The following PRKCB variants were observed in gnomAD, a reference collection of about 807,000 sequenced individuals.
PRKCB encodes the protein protein kinase C beta type.
PRKCB carries 13 observed loss-of-function variants against 81.5 expected under a neutral mutation model. That is an observed-to-expected ratio of 0.16 (90% CI 0.10 to 0.25). PRKCB has a LOEUF of 0.25. PRKCB is among the 10% of genes least tolerant of loss of function. The pLI, the probability that PRKCB is intolerant of heterozygous loss-of-function variation, is 1.00. For synonymous variants in PRKCB, 335 were observed against 321.4 expected, an observed-to-expected ratio of 1.04 and a Z score of -0.45; for missense variants, 509 against 875.7, an observed-to-expected ratio of 0.58 and a Z score of 5.29.
At chr16:24,014,441 C>T (rs1231857402) in intron 3 of PRKCB, among the ~76,000 whole-genome samples, 1 of 152,198 alleles carries the variant, frequency 6.6e-6, no homozygotes, top group Non-Finnish European at 1.5e-5. Context: ...ACTCTGTGAA[C>T]AGCCTCCACC....
In PRKCB at chr16:24,180,934, A is replaced by G; in HGVS notation, c.1533+6A>G. 3 of 1,613,724 alleles carry G rather than the reference A, an allele frequency of 1.9e-6. No homozygotes were observed. The highest frequency in any genetic ancestry group is 2.5e-6 in the Non-Finnish European group (3 of 1,179,778). ...CAGACTACATCGCCCCCGAGGTGAG[A>G]GCTGCTGGGCACACGTTCACATTGC... On this transcript the variant is annotated splice_donor_region_variant and intron_variant, in intron 13 of 16. Coordinates refer to ENST00000643927, the MANE Select transcript of PRKCB (RefSeq NM_002738.7).
chr16:24,183,154 C>T (rs1291867601), intron 13 of PRKCB, among the ~76,000 whole-genome samples: 2 of 152,106 alleles, frequency 1.3e-5, no homozygotes, highest in Non-Finnish European at 2.9e-5. Context: ...AAGTGTTCTC[C>T]TGGAATGCTT....
At chr16:24,146,112 G>A (rs973827115) in intron 9 of PRKCB, among the ~76,000 whole-genome samples, 3 of 152,162 alleles carry the variant, frequency 2.0e-5, no homozygotes, top group Admixed American at 2.0e-4. Flanking sequence ...GCCAGGGAGT[G>A]CCAACGGTAG....
intron 9 of PRKCB, among the ~76,000 whole-genome samples, chr16:24,150,766 G>T (rs746385118): frequency 6.6e-6 from 1 of 152,156 alleles, no homozygotes; most frequent in Non-Finnish European, 1.5e-5. Context: ...GATCCAGACC[G>T]TCCCGCAAAG....
At chr16:23,910,515 G>T (rs113606749) in intron 2 of PRKCB, among the ~76,000 whole-genome samples, 1 of 152,076 alleles carries the variant, frequency 6.6e-6, no homozygotes, top group African/African-American at 2.4e-5. Flanking sequence ...CAGGTCTCAG[G>T]CTCGGGCCGT....
chr16:23,875,580 A>ATATGTATGTATATCATACACATATATG (rs10664900), intron 2 of PRKCB, among the ~76,000 whole-genome samples: 4 of 15,152 alleles, frequency 2.6e-4, no homozygotes, highest in Non-Finnish European at 2.3e-4. Flanking sequence ...TATCAAACAC[A>ATATGTATGTATATCATACACATATATG]TATGTATATC....
In PRKCB at chr16:24,162,350, C is replaced by T. The variant is rs142842266; in HGVS notation, c.1239+7493C>T. ...CTGCAGGTGGCTCTGGCTGTTGTCT[C>T]AGTCAGCAGTGATCAAGTTGTAAGA... is the stretch of plus-strand genomic sequence containing the variant. On this transcript the variant is annotated intron_variant, in intron 10 of 16. Coordinates refer to ENST00000643927, the MANE Select transcript of PRKCB (RefSeq NM_002738.7). Among the ~76,000 whole-genome samples the T allele has an allele frequency of 5.7e-4, 87 of 151,770 alleles. 1 individual carries two copies. Among genetic ancestry groups the T allele is most frequent in the African/African-American group, 2.0e-3 (82 of 41,330 alleles).
At chr16:23,847,370 ATCTATCTG>A (rs756473013) in intron 2 of PRKCB, among the ~76,000 whole-genome samples, 970 of 8,558 alleles carry the variant, frequency 0.11, 11 homozygotes, top group East Asian at 0.42. Flanking sequence ...CTATCTATCT[ATCTATCTG>A]TCCATCTATC....
chr16:23,928,509 G>A (rs947639581), intron 2 of PRKCB, among the ~76,000 whole-genome samples: 1 of 152,058 alleles, frequency 6.6e-6, no homozygotes, highest in Non-Finnish European at 1.5e-5. Context: ...ATGGAACTCA[G>A]GCCTTGTATA....
chr16:24,050,389 C>T (rs72779961), intron 5 of PRKCB, among the ~76,000 whole-genome samples: 15,062 of 151,970 alleles, frequency 0.099, 820 homozygotes, highest in Middle Eastern at 0.12. Context: ...TGCCGAGGAG[C>T]GAAGGATTGT....
intron 1 of PRKCB, among the ~76,000 whole-genome samples, chr16:23,836,723 C>T (rs912400707): frequency 5.3e-5 from 8 of 151,538 alleles, no homozygotes; most frequent in African/African-American, 1.9e-4. Flanking sequence ...TATCTCTCCG[C>T]CTGCTTCCGG....
rs1964259423 is a variant in PRKCB, at chr16:23,950,140, T to TTTG, written c.206-38366_206-38365insGTT. On this transcript the variant is annotated intron_variant, in intron 2 of 16. Coordinates refer to ENST00000643927, the MANE Select transcript of PRKCB (RefSeq NM_002738.7). Reference sequence around the variant, plus strand: ...TGGCCCCTATGATTTGAATTTTTTTTTTTTTTTTTTTTTTTTTTCTGTTGA... The same window carrying TTTG: ...TGGCCCCTATGATTTGAATTTTTTTTTTGTTTTTTTTTTTTTTTTTTCTGTTGA... 1.4e-5 allele frequency among the ~76,000 whole-genome samples: 2 copies of TTTG among 143,416 alleles called. 1 individual carries two copies. Among genetic ancestry groups the TTTG allele is most frequent in the African/African-American group, 5.2e-5 (2 of 38,766 alleles). The allele number at this position is 143,416 out of a possible 152,430, so 94.1% of individuals were successfully genotyped here. A position where few individuals can be genotyped will look rare whatever the true frequency, so the allele number is the denominator to read the frequency against.
intron 5 of PRKCB, among the ~76,000 whole-genome samples, chr16:24,051,382 G>C (rs1965840320): frequency 1.3e-5 from 2 of 152,116 alleles, no homozygotes; most frequent in South Asian, 2.1e-4. Flanking sequence ...CTTTTACCTG[G>C]GGTAATTAGC....
intron 2 of PRKCB, among the ~76,000 whole-genome samples, chr16:23,841,644 C>T (rs1250070217): frequency 1.2e-4 from 17 of 136,276 alleles, no homozygotes; most frequent in Admixed American, 1.1e-3. Flanking sequence ...TGTGTCACCA[C>T]GGCCCTTTTT....
rs1392893763 is a variant in PRKCB at position 24,219,831 on chromosome 16, A to G, written c.*5015A>G. 1 of 1,429,250 alleles carries G rather than the reference A, an allele frequency of 7.0e-7. No individual in the cohort carries two copies. The highest frequency in any genetic ancestry group is 9.2e-7 in the Non-Finnish European group (1 of 1,090,236). 88.5% of individuals were successfully genotyped at this position (1,429,250 alleles called of 1,614,324 possible). On this transcript the variant is annotated 3_prime_UTR_variant, in exon 17 of 17. Coordinates refer to ENST00000643927, the MANE Select transcript of PRKCB (RefSeq NM_002738.7). The stretch of plus-strand genomic sequence containing the variant: ...AGCCAGTGCGTGGAGTGCAGCTGCT[A>G]AAAATTTTCAGCACAGGGCTCTTTC...
At chr16:24,082,256 A>G (rs1417930283) in intron 5 of PRKCB, among the ~76,000 whole-genome samples, 4 of 152,244 alleles carry the variant, frequency 2.6e-5, no homozygotes, top group East Asian at 1.9e-4. Context: ...ATGGATTGAA[A>G]GACTCAGCAG....
intron 3 of PRKCB, among the ~76,000 whole-genome samples, chr16:24,018,571 T>G (rs8060510): frequency 6.6e-6 from 1 of 152,206 alleles, no homozygotes; most frequent in Non-Finnish European, 1.5e-5. Flanking sequence ...AATTCACCCC[T>G]ATATTGACAT....
chr16:24,010,446 G>A (rs1965187573), intron 3 of PRKCB, among the ~76,000 whole-genome samples: 1 of 152,202 alleles, frequency 6.6e-6, no homozygotes, highest in African/African-American at 2.4e-5. Context: ...GGTGGGGACT[G>A]TCAGTGGAAG....
chr16:24,054,694 C>T (rs188702598), intron 5 of PRKCB, among the ~76,000 whole-genome samples: 13 of 152,296 alleles, frequency 8.5e-5, no homozygotes, highest in African/African-American at 2.9e-4. Flanking sequence ...TCTGTGGGAA[C>T]GCTGACCAAG....
Sources: gnomAD v4.1 joint callset for allele counts (sites outside exome capture counted in the v4.1 genomes callset) on GRCh38, gnomAD v4.1.1 for gene constraint, MANE v1.5 for transcripts, NCBI Gene and HGNC (gene_info 2026-07-23, HGNC 2026-07-21) for gene names.